The following SESTD1 variants were observed in gnomAD, a reference collection of about 807,000 sequenced individuals.
SESTD1 encodes SEC14 and spectrin domain containing 1.
Under a neutral mutation model 101.7 loss-of-function variants are expected in SESTD1, and 43 were observed. The ratio of observed to expected loss-of-function variants is 0.42; its 90% CI spans 0.33 to 0.55. SESTD1 has a LOEUF of 0.55. Among genes scored for constraint, SESTD1 ranks in the 20% least tolerant of loss-of-function variants. The pLI is 0.07. For missense variants in SESTD1, 647 were observed against 815.1 expected (o/e 0.79, Z 2.51); for synonymous variants, 283 against 286.8 (o/e 0.99, Z 0.13).
intron 1 of SESTD1, among the ~76,000 whole-genome samples, chr2:179,221,959 A>AT (rs1237863194): frequency 5.9e-5 from 9 of 152,166 alleles, no homozygotes; most frequent in Non-Finnish European, 1.2e-4. Context: ...CATATATTGT[A>AT]TTTTTTGTAG....
chr2:179,174,880 T>C (rs1285020252), intron 4 of SESTD1, among the ~76,000 whole-genome samples: 1 of 150,372 alleles, frequency 6.7e-6, no homozygotes, highest in Non-Finnish European at 1.5e-5. Context: ...GCCCAGGAGC[T>C]GGAGGCTTCA....
Position 179,176,467 on chromosome 2 carries a change from G to A in SESTD1, c.236C>T (p.Thr79Ile). Residue 79 changes from threonine (T) to isoleucine (I), a missense_variant, in exon 4 of 18, where the codon ACA (threonine) becomes ATA (isoleucine). By Grantham distance (89) the Thr-to-Ile change is moderately conservative (BLOSUM62 -1). Coordinates refer to ENST00000428443, the MANE Select transcript of SESTD1 (RefSeq NM_178123.5). The part of the protein sequence containing the change: ...GRKSQWNVVK[T>I]VVVMLQNVVP... ...AATTACCTGTAGCATTACGACTACT[G>A]TTTTCACCACATTCCACTGTGATTT... 1 of 1,613,318 alleles carries A rather than the reference G, an allele frequency of 6.2e-7. No individual in the cohort carries two copies. Among genetic ancestry groups the A allele is most frequent in the Non-Finnish European group, 8.5e-7 (1 of 1,179,698 alleles).
At chr2:179,183,522 A>G (rs1466764025) in intron 2 of SESTD1, among the ~76,000 whole-genome samples, 1 of 152,178 alleles carries the variant, frequency 6.6e-6, no homozygotes, top group Non-Finnish European at 1.5e-5. Flanking sequence ...AAGTAAAATA[A>G]AATAAATTTC....
Position 179,133,481 on chromosome 2 carries a change from T to C in SESTD1, c.850-1055A>G, listed in dbSNP as rs531666664. On this transcript the variant is annotated intron_variant, in intron 9 of 17. Coordinates refer to ENST00000428443, the MANE Select transcript of SESTD1 (RefSeq NM_178123.5). ...GAAGGAGAGGATTGTGCTGACACTC[T>C]ACCCACAATCATATACACTCTGAAA... is the stretch of plus-strand genomic sequence containing the variant. Among the ~76,000 whole-genome samples, 169 of 152,324 alleles carry C rather than the reference T, an allele frequency of 1.1e-3. No homozygotes were observed. In the South Asian group the frequency reaches 0.014, roughly 13 times the overall value.
intron 1 of SESTD1, among the ~76,000 whole-genome samples, chr2:179,254,190 T>C (rs1284517626): frequency 6.6e-6 from 1 of 152,080 alleles, no homozygotes; most frequent in Admixed American, 6.5e-5. Flanking sequence ...ATAAAAAGGA[T>C]GACCAGGAAC....
chr2:179,177,766 T>G (rs2046036115), intron 3 of SESTD1, among the ~76,000 whole-genome samples: 2 of 152,142 alleles, frequency 1.3e-5, no homozygotes, highest in Admixed American at 1.3e-4. Context: ...GCAGAATAAT[T>G]CATAATAGCT....
intron 1 of SESTD1, among the ~76,000 whole-genome samples, chr2:179,251,340 CCCGAAA>C (rs2047314308): frequency 6.6e-6 from 1 of 152,128 alleles, no homozygotes; most frequent in Non-Finnish European, 1.5e-5. Context: ...GGGAAACTTA[CCCGAAA>C]CCTCTTTTGT....
At chr2:179,165,984 C>A (rs1234795290) in intron 5 of SESTD1, among the ~76,000 whole-genome samples, 2 of 152,100 alleles carry the variant, frequency 1.3e-5, no homozygotes, top group Non-Finnish European at 2.9e-5. Flanking sequence ...CACAAGGAAA[C>A]CAATTAACCT....
intron 9 of SESTD1, among the ~76,000 whole-genome samples, chr2:179,138,714 C>T (rs985891987): frequency 2.0e-5 from 3 of 151,452 alleles, no homozygotes; most frequent in Non-Finnish European, 4.4e-5. Context: ...AAAATACACG[C>T]CAAAAAAACA....
chr2:179,225,002 CCAGT>C (rs113748055), intron 1 of SESTD1, among the ~76,000 whole-genome samples: 2,015 of 152,290 alleles, frequency 0.013, 46 homozygotes, highest in African/African-American at 0.045. Flanking sequence ...CAATTTATAG[CCAGT>C]CAGTCAGTAA....
intron 4 of SESTD1, among the ~76,000 whole-genome samples, 166 bp downstream of exon 4, chr2:179,176,282 T>A (rs1056863557): frequency 1.3e-5 from 2 of 152,170 alleles, no homozygotes; most frequent in African/African-American, 4.8e-5. Flanking sequence ...AATTCAAACC[T>A]AAGGAGTTGA....
Position 179,143,823 on chromosome 2 carries a change from T to C in SESTD1, c.638-20A>G. The C allele has an allele frequency of 1.9e-6, 3 of 1,606,122 alleles. No homozygotes were observed. Among genetic ancestry groups the C allele is most frequent in the Non-Finnish European group, 2.5e-6 (3 of 1,177,048 alleles). The stretch of plus-strand genomic sequence containing the variant: ...CATGCCCTTTACAAATAAAAGATAC[T>C]TGAAATTAATATCTGTAAAGAAATG... On this transcript the variant is annotated intron_variant, in intron 8 of 17. Coordinates refer to ENST00000428443, the MANE Select transcript of SESTD1 (RefSeq NM_178123.5).
At chr2:179,211,730 C>T (rs2046653622) in intron 1 of SESTD1, among the ~76,000 whole-genome samples, 1 of 133,754 alleles carries the variant, frequency 7.5e-6, no homozygotes. Flanking sequence ...AGATGGACAC[C>T]ATTATTCCAA....
chr2:179,208,551 G>A (rs1172302473), intron 1 of SESTD1, among the ~76,000 whole-genome samples: 1 of 134,760 alleles, frequency 7.4e-6, no homozygotes, highest in Non-Finnish European at 1.6e-5. Context: ...AAGCCAGAAG[G>A]GATTGGGGTC....
At chr2:179,117,979 A>G (rs1052114897) in intron 13 of SESTD1, among the ~76,000 whole-genome samples, 1 of 152,240 alleles carries the variant, frequency 6.6e-6, no homozygotes, top group South Asian at 2.1e-4. Context: ...ATACAGGATG[A>G]TATTTTTTTG....
chr2:179,215,687 A>C (rs1310928736), intron 1 of SESTD1, among the ~76,000 whole-genome samples: 2 of 134,650 alleles, frequency 1.5e-5, no homozygotes, highest in Non-Finnish European at 3.2e-5. Flanking sequence ...GACACAATAA[A>C]AAAAAGAGAA....
chr2:179,251,361 T>C (rs2047315127), intron 1 of SESTD1, among the ~76,000 whole-genome samples: 1 of 152,222 alleles, frequency 6.6e-6, no homozygotes, highest in Non-Finnish European at 1.5e-5. Context: ...TTTTGTACTT[T>C]CTAATATTTG....
chr2:179,118,626 A>C (rs954256368), intron 13 of SESTD1, among the ~76,000 whole-genome samples: 3 of 152,260 alleles, frequency 2.0e-5, no homozygotes, highest in African/African-American at 7.2e-5. Flanking sequence ...GGTTAAAGTA[A>C]TTCTACAATG....
chr2:179,185,880 T>C (rs2046221201), intron 2 of SESTD1, among the ~76,000 whole-genome samples: 2 of 135,854 alleles, frequency 1.5e-5, no homozygotes, highest in Admixed American at 7.9e-5. Context: ...CAATATATAA[T>C]ATAGCATATA....
Sources: gnomAD v4.1 joint callset for allele counts (sites outside exome capture counted in the v4.1 genomes callset) on GRCh38, gnomAD v4.1.1 for gene constraint, MANE v1.5 for transcripts, NCBI Gene and HGNC (gene_info 2026-07-23, HGNC 2026-07-21) for gene names.